The following ADCY7 variants were observed in gnomAD, a reference collection of about 807,000 sequenced individuals.
ADCY7 encodes the protein adenylate cyclase 7.
ADCY7 carries 72 observed loss-of-function variants against 120.6 expected under a neutral mutation model. The ratio of observed to expected loss-of-function variants is 0.60; its 90% CI spans 0.49 to 0.73. The LOEUF is 0.73. ADCY7 is among the 30% of genes least tolerant of loss of function. The pLI, the probability that ADCY7 is intolerant of heterozygous loss-of-function variation, is 0.00. For missense variants in ADCY7, 1,227 were observed against 1,486.0 expected (o/e 0.83, Z 2.87); for synonymous variants, 661 against 628.0 (o/e 1.05, Z -0.78).
At chr16:50,299,782 G>A (rs1045202800) in intron 8 of ADCY7, among the ~76,000 whole-genome samples, 94 of 152,308 alleles carry the variant, frequency 6.2e-4, no homozygotes, top group African/African-American at 2.1e-3. Context: ...ACAGGCCCTC[G>A]TGCACCTCTG....
rs552798419 is a variant in ADCY7 at position 50,295,130 on chromosome 16, C to A, written c.948+379C>A. 9.2e-5 allele frequency among the ~76,000 whole-genome samples: 14 copies of A among 152,278 alleles called. No homozygotes were observed. In the East Asian group the frequency reaches 2.7e-3, roughly 29 times the overall value. The stretch of plus-strand genomic sequence containing the variant: ...AATGCCCAGCCTCACCCAGAAGCTG[C>A]TTTTCACAGGATCTGAGGTGAATCA... On this transcript the variant is annotated intron_variant, in intron 7 of 25. Coordinates refer to ENST00000673801, the MANE Select transcript of ADCY7 (RefSeq NM_001114.5).
At chr16:50,301,909 G>T (rs2035747563) in intron 10 of ADCY7, 2 of 152,880 alleles carry the variant, frequency 1.3e-5, no homozygotes, top group African/African-American at 4.8e-5. Context: ...CCAGACCCTG[G>T]GGGACCAAGG....
intron 8 of ADCY7, 69 bp from the exon 9 acceptor site, chr16:50,300,646 C>T: frequency 2.0e-6 from 3 of 1,528,666 alleles, no homozygotes; most frequent in Non-Finnish European, 2.6e-6. Context: ...GTACCCACCC[C>T]ACACCTGGGA....
chr16:50,291,299 G>C (rs1443594607), intron 3 of ADCY7, among the ~76,000 whole-genome samples: 1 of 151,628 alleles, frequency 6.6e-6, no homozygotes, highest in Non-Finnish European at 1.5e-5. Context: ...AGCACTCCCA[G>C]AGGGGTGGAC....
rs140040847 is a variant in ADCY7 at position 50,254,479 on chromosome 16, T to A, written c.-64+8276T>A. On this transcript the variant is annotated intron_variant, in intron 1 of 4. Coordinates refer to the ADCY7 transcript ENST00000564044. ...CACAAAAATCAGTCATGTTTCTGTA[T>A]GTTAGCTAACTATCTGAAAAAGAAA... is the stretch of plus-strand genomic sequence containing the variant. 2.2e-3 allele frequency among the ~76,000 whole-genome samples: 339 copies of A among 152,366 alleles called. 1 individual carries two copies. Among genetic ancestry groups the A allele is most frequent in the Non-Finnish European group, 3.6e-3 (248 of 68,034 alleles).
At chr16:50,292,468 C>A in intron 4 of ADCY7, 1 of 599,654 alleles carries the variant, frequency 1.7e-6, no homozygotes, top group Non-Finnish European at 2.9e-6. Context: ...CCCTGGGTGT[C>A]CTGGTCTTGC....
intron 5 of ADCY7, 40 bp from the exon 6 acceptor site, chr16:50,293,314 C>T (rs1312909792): frequency 6.3e-7 from 1 of 1,599,434 alleles, no homozygotes. Flanking sequence ...CCGCCGGTCG[C>T]TTTGCTGGTC....
rs1596921917 is a variant in ADCY7, at chr16:50,294,551, C to T, written c.837-89C>T. ...TGAATGGGCTCAGGCCTGGCAGGCT[C>T]CTGGGGCTCCAGACAGTCCTGCGTG... On this transcript the variant is annotated intron_variant, in intron 6 of 25. Coordinates refer to ENST00000673801, the MANE Select transcript of ADCY7 (RefSeq NM_001114.5). 1.0e-5 allele frequency: 9 copies of T among 867,630 alleles called. No individual in the cohort carries two copies. In the East Asian group the frequency reaches 2.4e-4, roughly 23 times the overall value. The allele number at this position is 867,630 out of a possible 1,614,324, so 53.7% of individuals were successfully genotyped here.
At chr16:50,283,414 C>T (rs932106412) in intron 1 of ADCY7, among the ~76,000 whole-genome samples, 18 of 152,094 alleles carry the variant, frequency 1.2e-4, no homozygotes, top group African/African-American at 4.1e-4. Flanking sequence ...GTCAGGTCAC[C>T]GACAAAAGAG....
intron 1 of ADCY7, among the ~76,000 whole-genome samples, chr16:50,271,242 GCT>G (rs1333378777): frequency 6.6e-6 from 1 of 152,152 alleles, no homozygotes; most frequent in Non-Finnish European, 1.5e-5. Flanking sequence ...GCCGCCACCA[GCT>G]CTCTCATTTT....
Position 50,301,243 on chromosome 16 carries a change from G to C in ADCY7, c.1368+29G>C, listed in dbSNP as rs938812178. The C allele has an allele frequency of 3.9e-6, 6 of 1,557,496 alleles. No individual in the cohort carries two copies. In the African/African-American group the frequency reaches 6.8e-5, roughly 18 times the overall value. ...CGAGGGCTCAGAGGCCGCAGCTGGG[G>C]GGGACCCGGAGGGACTGGAGGGGCC... On this transcript the variant is annotated intron_variant, in intron 10 of 25. Transcript: ENST00000673801.
Position 50,291,777 on chromosome 16 carries a change from A to T in ADCY7, c.417A>T (p.Leu139=). Residue 139 remains leucine (L), a synonymous_variant, in exon 4 of 26, where the codon CTA becomes CTT. Coordinates refer to ENST00000673801, the MANE Select transcript of ADCY7 (RefSeq NM_001114.5). ...TCATTGTCTTCGTGGTGTACACACT[A>T]CTGCCCTTCAGCATGCGGGGCGCTG... The part of the protein sequence containing the change: ...FLFIVFVVYT[L]LPFSMRGAVA... 6.2e-7 allele frequency: 1 copy of T among 1,614,060 alleles called. No homozygotes were observed.
At chr16:50,287,758 C>T (rs565692363) in intron 1 of ADCY7, 154 bp from the exon 2 acceptor site, 1 of 160,918 alleles carries the variant, frequency 6.2e-6, no homozygotes, top group African/African-American at 2.4e-5. Context: ...ACACAGGGGA[C>T]TAGCTTTACG....
At position 50,308,724 on chromosome 16, in the gene ADCY7, C is replaced by G. The variant is rs751132217; in HGVS notation, c.1993C>G (p.Pro665Ala). 2 of 1,613,486 alleles carry G rather than the reference C, an allele frequency of 1.2e-6. No homozygotes were observed. Among genetic ancestry groups the G allele is most frequent in the Admixed American group, 1.7e-5 (1 of 59,996 alleles). The change falls in exon 17 of 26, where the codon CCC becomes GCC. Residue 665 changes from proline to alanine, a missense_variant. Physicochemically the swap from Pro to Ala is conservative, Grantham distance 27. This residue lies in a region of ADCY7 where 267 missense variants were observed against 270.0 expected (regional missense o/e 0.99). Transcript: ENST00000673801. ...CTISERVETQ[P>A]LLRLTLAVLT... Reference sequence around the variant, plus strand: ...TATCTCTGAGAGGGTGGAGACACAGCCCCTGCTGAGGCTGACCCTGGCCGT... The same window carrying G: ...TATCTCTGAGAGGGTGGAGACACAGGCCCTGCTGAGGCTGACCCTGGCCGT...
intron 1 of ADCY7, among the ~76,000 whole-genome samples, chr16:50,275,891 C>A (rs1461504426): frequency 6.6e-6 from 1 of 152,174 alleles, no homozygotes; most frequent in Non-Finnish European, 1.5e-5. Flanking sequence ...AGCACCCCCG[C>A]CCACCACCCT....
intron 1 of ADCY7, among the ~76,000 whole-genome samples, chr16:50,278,547 A>G (rs61222020): frequency 1.3e-5 from 2 of 152,158 alleles, no homozygotes; most frequent in East Asian, 3.9e-4. Flanking sequence ...GGTAATTTTT[A>G]CCATGTATAT....
chr16:50,254,303 C>T (rs2032848159), intron 1 of ADCY7, among the ~76,000 whole-genome samples: 1 of 152,204 alleles, frequency 6.6e-6, no homozygotes, highest in South Asian at 2.1e-4. Context: ...GCTGCCTCTC[C>T]TCCCACACAC....
chr16:50,270,589 G>A (rs988002108), intron 1 of ADCY7, among the ~76,000 whole-genome samples: 1 of 152,174 alleles, frequency 6.6e-6, no homozygotes, highest in Non-Finnish European at 1.5e-5. Flanking sequence ...CGTCACTGTC[G>A]GTGTCGTGAG....
intron 1 of ADCY7, among the ~76,000 whole-genome samples, chr16:50,255,680 T>C (rs1033233847): frequency 6.6e-6 from 1 of 152,144 alleles, no homozygotes; most frequent in African/African-American, 2.4e-5. Flanking sequence ...TTTGTAGAGA[T>C]GGGGTTTCAA....
Sources: gnomAD v4.1 joint callset for allele counts (sites outside exome capture counted in the v4.1 genomes callset) on GRCh38, gnomAD v4.1.1 for gene constraint, gnomAD v4.1.1 regional missense constraint, MANE v1.5 for transcripts, NCBI Gene and HGNC (gene_info 2026-07-23, HGNC 2026-07-21) for gene names.